CASR: variants seen among roughly 807,000 people sequenced by gnomAD.
CASR encodes calcium sensing receptor.
A neutral mutation model predicts 69.1 loss-of-function variants in CASR; 23 were observed. The ratio of observed to expected loss-of-function variants is 0.33; its 90% CI spans 0.24 to 0.47. CASR has a LOEUF of 0.47. CASR is among the 20% of genes least tolerant of loss of function. The pLI, the probability that CASR is intolerant of heterozygous loss-of-function variation, is 1.00. For missense variants in CASR, 924 were observed against 1,356.1 expected (o/e 0.68, Z 5.00); for synonymous variants, 541 against 544.7 (o/e 0.99, Z 0.10).
At chr3:122,201,651 ACGGGGCGGCTGGC>A (rs2073952937) in intron 1 of CASR, among the ~76,000 whole-genome samples, 1 of 82,168 alleles carries the variant, frequency 1.2e-5, no homozygotes, top group Non-Finnish European at 3.2e-5. Context: ...TCCCTCCCGG[ACGGGGCGGCTGGC>A]CAGGCGGGGG....
At position 122,254,262 on chromosome 3, in the gene CASR, C is replaced by A. The variant is rs201633414; in HGVS notation, c.73C>A (p.Arg25=). The A allele has an allele frequency of 2.5e-6, 4 of 1,613,862 alleles. No homozygotes were observed. In the Admixed American group the frequency reaches 6.7e-5, roughly 27 times the overall value. The change falls in exon 2 of 7, where the codon CGA becomes AGA. Residue 25 remains arginine, a synonymous_variant. Transcript: ENST00000639785. ...WHTSAYGPDQ[R]AQKKGDIILG... ...CACCTCTGCCTACGGGCCAGACCAG[C>A]GAGCCCAAAAGAAGGGGGACATTAT...
rs915902910 is a variant in CASR, at chr3:122,214,950, C to T, written c.-243+31138C>T. On this transcript the variant is annotated intron_variant, in intron 1 of 6. Coordinates refer to ENST00000639785, the MANE Select transcript of CASR (RefSeq NM_000388.4). Reference sequence around the variant, plus strand: ...AAGTGTGGAATGCATCACTGAGAGACTAATCCATGCCACACATTCAAGGGA... The same window carrying T: ...AAGTGTGGAATGCATCACTGAGAGATTAATCCATGCCACACATTCAAGGGA... Among the ~76,000 whole-genome samples the T allele has an allele frequency of 7.9e-5, 12 of 152,324 alleles. No individual in the cohort carries two copies. The South Asian group carries it at 2.5e-3, about 32-fold the overall frequency.
rs750548257 is a variant in CASR, at chr3:122,284,282, G to A, written c.2328G>A (p.Leu776=). Residue 776 remains leucine (L), a synonymous_variant, in exon 7 of 7, where the codon CTG becomes CTA. Transcript: ENST00000639785. ...HEGSLMALGF[L]IGYTCLLAAI... ...GCTCCCTCATGGCCCTGGGCTTCCT[G>A]ATCGGCTACACCTGCCTGCTGGCTG... is the stretch of plus-strand genomic sequence containing the variant. 1.2e-5 allele frequency: 20 copies of A among 1,613,996 alleles called. No homozygotes were observed. The South Asian group carries it at 1.4e-4, about 12-fold the overall frequency.
chr3:122,257,521 G>T (rs1026185617), intron 3 of CASR, 134 bp downstream of exon 3: 3 of 643,228 alleles, frequency 4.7e-6, no homozygotes, highest in African/African-American at 3.6e-5. Context: ...TAGTTGATAT[G>T]CTGTATCATG....
intron 1 of CASR, among the ~76,000 whole-genome samples, chr3:122,199,586 T>C (rs560741699): frequency 3.9e-5 from 6 of 152,210 alleles, no homozygotes; most frequent in Non-Finnish European, 5.9e-5. Context: ...CTCTTTTTTC[T>C]GTGTAAAAAT....
intron 5 of CASR, among the ~76,000 whole-genome samples, chr3:122,281,475 G>GTT (rs1421323045): frequency 1.3e-5 from 2 of 152,124 alleles, no homozygotes; most frequent in Non-Finnish European, 2.9e-5. Flanking sequence ...TACTTTTAAT[G>GTT]TTTTCTCTAT....
intron 5 of CASR, among the ~76,000 whole-genome samples, chr3:122,281,032 A>G (rs920480902): frequency 6.6e-6 from 1 of 152,252 alleles, no homozygotes; most frequent in Non-Finnish European, 1.5e-5. Context: ...ATGAATAATC[A>G]ATTAGCTGGT....
chr3:122,277,911 T>C (rs2074841320), intron 5 of CASR, among the ~76,000 whole-genome samples: 1 of 152,222 alleles, frequency 6.6e-6, no homozygotes, highest in Non-Finnish European at 1.5e-5. Context: ...TTCAGTCACT[T>C]ATGTTCTTGG....
In CASR at chr3:122,254,333, T is replaced by C; in HGVS notation, c.144T>C (p.Asp48=). The part of the protein sequence containing the change: ...FPIHFGVAAK[D]QDLKSRPESV... ...TTCATTTTGGAGTAGCAGCTAAAGATCAAGATCTCAAATCAAGGCCGGAGT... is the reference window on the plus strand; with the variant it reads ...TTCATTTTGGAGTAGCAGCTAAAGACCAAGATCTCAAATCAAGGCCGGAGT... Residue 48 remains aspartate (D), a synonymous_variant, in exon 2 of 7, where the codon GAT becomes GAC. Coordinates refer to ENST00000639785, the MANE Select transcript of CASR (RefSeq NM_000388.4). The C allele has an allele frequency of 6.2e-7, 1 of 1,614,176 alleles. No individual in the cohort carries two copies.
chr3:122,275,695 C>T lies in CASR; in HGVS notation c.1378-117C>T, dbSNP rs975184953. 4.5e-5 allele frequency: 34 copies of T among 763,946 alleles called. 1 individual carries two copies. The highest frequency in any genetic ancestry group is 2.3e-4 in the South Asian group (16 of 69,850). 47.3% of individuals were successfully genotyped at this position (763,946 alleles called of 1,614,324 possible). On this transcript the variant is annotated intron_variant, in intron 4 of 6. Coordinates refer to ENST00000639785, the MANE Select transcript of CASR (RefSeq NM_000388.4). The stretch of plus-strand genomic sequence containing the variant: ...AAAAAGCTGTCTCTTCCTCAAGTCA[C>T]GTTCCTCCCACTTTGTTGGAACAAG...
intron 1 of CASR, among the ~76,000 whole-genome samples, chr3:122,208,252 C>T (rs984646544): frequency 2.6e-5 from 4 of 152,126 alleles, no homozygotes; most frequent in Non-Finnish European, 4.4e-5. Flanking sequence ...AGACGGGTCT[C>T]ACCATGCTGC....
chr3:122,237,562 G>A (rs6774080), intron 1 of CASR, among the ~76,000 whole-genome samples: 24,690 of 152,112 alleles, frequency 0.16, 2,080 homozygotes, highest in Non-Finnish European at 0.18. Flanking sequence ...ATATTATACC[G>A]CAGTTAAAAT....
At chr3:122,200,520 A>T (rs1177113544) in intron 1 of CASR, among the ~76,000 whole-genome samples, 1 of 152,194 alleles carries the variant, frequency 6.6e-6, no homozygotes, top group Non-Finnish European at 1.5e-5. Flanking sequence ...ATTTTTTAAA[A>T]AATGTATTAT....
intron 1 of CASR, among the ~76,000 whole-genome samples, chr3:122,190,378 T>C (rs1174562857): frequency 6.6e-6 from 1 of 152,218 alleles, no homozygotes; most frequent in East Asian, 1.9e-4. Context: ...CAATTTCCAT[T>C]CATCCTCATC....
chr3:122,202,201 G>A (rs538580963), intron 1 of CASR, among the ~76,000 whole-genome samples: 3 of 152,378 alleles, frequency 2.0e-5, no homozygotes, highest in South Asian at 4.1e-4. Flanking sequence ...CAGATCACTC[G>A]CAGCTAGGAG....
At chr3:122,252,349 A>T (rs1272697216) in intron 1 of CASR, among the ~76,000 whole-genome samples, 2 of 44,186 alleles carry the variant, frequency 4.5e-5, no homozygotes, top group East Asian at 1.0e-3. Flanking sequence ...AGAAAGAAGA[A>T]AGAAAGAAAG....
At chr3:122,257,589 C>T (rs1559956903) in intron 3 of CASR, 2 of 536,970 alleles carry the variant, frequency 3.7e-6, no homozygotes, top group Non-Finnish European at 6.6e-6. Flanking sequence ...CTTCACTATG[C>T]TTCCAAAATT....
chr3:122,270,222 G>C (rs955768023), intron 4 of CASR, among the ~76,000 whole-genome samples: 2 of 152,140 alleles, frequency 1.3e-5, no homozygotes, highest in Non-Finnish European at 2.9e-5. Flanking sequence ...AGCTTTGATA[G>C]TTTGTCTTTC....
chr3:122,206,920 CT>C (rs917631067), intron 1 of CASR, among the ~76,000 whole-genome samples: 6 of 151,744 alleles, frequency 4.0e-5, no homozygotes, highest in Non-Finnish European at 7.4e-5. Flanking sequence ...TTGTTGTTTC[CT>C]TTTTTTGCTT....
Sources: gnomAD v4.1 joint callset for allele counts (sites outside exome capture counted in the v4.1 genomes callset) on GRCh38, gnomAD v4.1.1 for gene constraint, MANE v1.5 for transcripts, NCBI Gene and HGNC (gene_info 2026-07-23, HGNC 2026-07-21) for gene names.